Variants in SPRY3 observed in about 807,000 individuals in gnomAD.
SPRY3 encodes protein sprouty homolog 3.
A neutral mutation model predicts 20.2 loss-of-function variants in SPRY3; 15 were observed. The ratio of observed to expected loss-of-function variants is 0.74; its 90% CI spans 0.50 to 1.14. The LOEUF (loss-of-function observed/expected upper bound fraction) is 1.14, where lower values mean the gene tolerates loss of function less well. Ranked by LOEUF, SPRY3 falls within the 50% of genes most tolerant of loss-of-function variation. The pLI, the probability that SPRY3 is intolerant of heterozygous loss-of-function variation, is 0.00. For synonymous variants in SPRY3, 143 were observed against 136.5 expected (o/e 1.05, Z -0.33); for missense variants, 364 against 363.9 (o/e 1.00, Z 0.00).
At chrX:155,697,746 G>C (rs1340627919) in intron 2 of SPRY3, among the ~76,000 whole-genome samples, 1 of 109,383 alleles carries the variant, frequency 9.1e-6, no homozygotes, top group Non-Finnish European at 1.9e-5. Flanking sequence ...ACATGGATTT[G>C]AGTTTGAGTC....
intron 2 of SPRY3, among the ~76,000 whole-genome samples, chrX:155,739,198 C>T (rs1325431881): frequency 6.6e-6 from 1 of 152,192 alleles, no homozygotes; most frequent in Non-Finnish European, 1.5e-5. Flanking sequence ...GGCCAGACTA[C>T]TTCTTTAAGT....
chrX:155,659,073 GA>G (rs1221375398), intron 2 of SPRY3, among the ~76,000 whole-genome samples: 9 of 110,669 alleles, frequency 8.1e-5, no homozygotes, highest in South Asian at 7.8e-4. Context: ...AGTGTTGTTG[GA>G]TTCCTTTTGC....
chrX:155,766,201 C>G (rs1402488620), intron 2 of SPRY3, among the ~76,000 whole-genome samples: 1 of 152,092 alleles, frequency 6.6e-6, no homozygotes, highest in Non-Finnish European at 1.5e-5. Flanking sequence ...GTTTGGAGCA[C>G]CTTAAACACA....
At chrX:155,744,532 A>T (rs1386375902) in intron 2 of SPRY3, among the ~76,000 whole-genome samples, 1 of 152,056 alleles carries the variant, frequency 6.6e-6, no homozygotes, top group Non-Finnish European at 1.5e-5. Flanking sequence ...ACGGGAAGGG[A>T]CTTTTCCTGG....
At chrX:155,635,125 G>T (rs1238108435) in intron 1 of SPRY3, among the ~76,000 whole-genome samples, 1 of 109,955 alleles carries the variant, frequency 9.1e-6, no homozygotes, top group Non-Finnish European at 1.9e-5. Flanking sequence ...TTATGAGTGA[G>T]AACATGTTGT....
At chrX:155,716,454 T>C (rs899089228) in intron 2 of SPRY3, among the ~76,000 whole-genome samples, 2 of 152,204 alleles carry the variant, frequency 1.3e-5, no homozygotes, top group African/African-American at 4.8e-5. Context: ...ATACAGTTTC[T>C]GCTTTAACTC....
intron 2 of SPRY3, among the ~76,000 whole-genome samples, chrX:155,752,148 T>C (rs2124583782): frequency 6.6e-6 from 1 of 151,580 alleles, no homozygotes; most frequent in African/African-American, 2.4e-5. Flanking sequence ...GGTAAAAATT[T>C]TAAACTATAA....
intron 2 of SPRY3, among the ~76,000 whole-genome samples, chrX:155,673,092 A>T (rs1385029088): frequency 5.9e-5 from 5 of 84,258 alleles, no homozygotes; most frequent in African/African-American, 1.7e-4. Context: ...GAGGGATAGC[A>T]TTAGGAGATA....
intron 2 of SPRY3, among the ~76,000 whole-genome samples, chrX:155,745,259 G>A (rs1380598329): frequency 6.6e-6 from 1 of 152,072 alleles, no homozygotes; most frequent in Non-Finnish European, 1.5e-5. Context: ...TTGAAGCAGG[G>A]TAAAGAGCTT....
At chrX:155,718,680 G>C (rs1441466487) in intron 2 of SPRY3, among the ~76,000 whole-genome samples, 2 of 151,932 alleles carry the variant, frequency 1.3e-5, no homozygotes, top group African/African-American at 2.4e-5. Context: ...TGAACAATTG[G>C]CTATTTATTT....
chrX:155,707,524 A>T (rs757659047), intron 2 of SPRY3, among the ~76,000 whole-genome samples: 1 of 151,350 alleles, frequency 6.6e-6, no homozygotes, highest in South Asian at 2.1e-4. Flanking sequence ...CATCTTTACT[A>T]ATATCTATTT....
At chrX:155,648,832 G>T (rs2067966725) in intron 1 of SPRY3, among the ~76,000 whole-genome samples, 1 of 111,225 alleles carries the variant, frequency 9.0e-6, no homozygotes, top group African/African-American at 3.3e-5. Flanking sequence ...GTGAATCCAG[G>T]CGCTGGTTTT....
chrX:155,659,380 C>T (rs1204617211), intron 2 of SPRY3, among the ~76,000 whole-genome samples: 4 of 110,122 alleles, frequency 3.6e-5, no homozygotes, highest in East Asian at 5.7e-4. Flanking sequence ...CTCATGACCT[C>T]GTGATCCGCC....
At position 155,714,350 on chromosome X, in the gene SPRY3, A is replaced by C. The variant is rs1183564863; in HGVS notation, c.-281-53612A>C. ...CTTGTTTCTGTCTGTCCTTCTTAGG[A>C]AGACTTTCCAGGTATTCAAAGGGAT... On this transcript the variant is annotated intron_variant, in intron 2 of 3. Coordinates refer to ENST00000675360, the Ensembl canonical transcript of SPRY3. Among the ~76,000 whole-genome samples, 5 of 152,252 alleles carry C rather than the reference A, an allele frequency of 3.3e-5. No individual in the cohort carries two copies. The East Asian group carries it at 9.6e-4, about 29-fold the overall frequency.
chrX:155,719,358 G>A (rs2091041625), intron 2 of SPRY3, among the ~76,000 whole-genome samples: 1 of 151,998 alleles, frequency 6.6e-6, no homozygotes, highest in Admixed American at 6.6e-5. Flanking sequence ...AGTGCTCTGG[G>A]GCTCTAAATA....
At chrX:155,641,726 G>A (rs905124759) in intron 1 of SPRY3, among the ~76,000 whole-genome samples, 8 of 115,139 alleles carry the variant, frequency 6.9e-5, no homozygotes, top group Non-Finnish European at 9.3e-5. Context: ...CAGCGGCATG[G>A]CAAAGGAGAC....
chrX:155,760,671 G>A (rs1398088326), intron 2 of SPRY3, among the ~76,000 whole-genome samples: 1 of 152,114 alleles, frequency 6.6e-6, no homozygotes, highest in East Asian at 1.9e-4. Flanking sequence ...CAGATTGTCA[G>A]GCATTAGTTA....
At chrX:155,757,353 T>G (rs759708724) in intron 2 of SPRY3, among the ~76,000 whole-genome samples, 2 of 152,264 alleles carry the variant, frequency 1.3e-5, no homozygotes, top group African/African-American at 4.8e-5. Flanking sequence ...CTGGATGGCT[T>G]GCTCCCTCAC....
chrX:155,703,428 G>T (rs1282058445), intron 2 of SPRY3, among the ~76,000 whole-genome samples: 1 of 6,496 alleles, frequency 1.5e-4, no homozygotes, highest in Non-Finnish European at 3.4e-4. Context: ...ATTCTCTGAT[G>T]GTAGTTTGTA....
Sources: allele counts gnomAD v4.1 joint callset (sites outside exome capture counted in the v4.1 genomes callset), GRCh38; gene constraint gnomAD v4.1.1; transcripts MANE v1.5; gene names NCBI Gene and HGNC (gene_info 2026-07-23, HGNC 2026-07-21).